The following NAV2 variants were observed in gnomAD, a reference collection of about 807,000 sequenced individuals.
NAV2 encodes helicase, APC down-regulated 1.
NAV2 carries 54 observed loss-of-function variants against 223.2 expected under a neutral mutation model. The ratio of observed to expected loss-of-function variants is 0.24; its 90% CI spans 0.19 to 0.30. NAV2 has a LOEUF of 0.30. NAV2 is among the 10% of genes least tolerant of loss of function. NAV2 has a pLI of 1.00. For missense variants in NAV2, 2,806 were observed against 3,147.5 expected (o/e 0.89, Z 2.60); for synonymous variants, 1,279 against 1,239.3 (o/e 1.03, Z -0.67).
chr11:19,983,772 A>G (rs780574868), intron 10 of NAV2, among the ~76,000 whole-genome samples: 3 of 152,090 alleles, frequency 2.0e-5, no homozygotes, highest in Non-Finnish European at 4.4e-5. Context: ...TCCGTTACTC[A>G]GGTAAAACAC....
chr11:20,093,970 T>C (rs1478231742), intron 29 of NAV2, among the ~76,000 whole-genome samples: 1 of 152,198 alleles, frequency 6.6e-6, no homozygotes, highest in Non-Finnish European at 1.5e-5. Flanking sequence ...TTAGTATTTC[T>C]AGCCAACATG....
intron 1 of NAV2, among the ~76,000 whole-genome samples, chr11:19,546,520 G>A (rs1019121903): frequency 6.6e-6 from 1 of 152,200 alleles, no homozygotes; most frequent in African/African-American, 2.4e-5. Context: ...GCCACCTGCA[G>A]GGTGGGGCGG....
intron 10 of NAV2, among the ~76,000 whole-genome samples, chr11:19,956,990 G>A (rs545712502): frequency 3.3e-5 from 5 of 152,148 alleles, no homozygotes; most frequent in Non-Finnish European, 7.3e-5. Flanking sequence ...AACAAAAGAT[G>A]CTCCTCTTAC....
intron 1 of NAV2, among the ~76,000 whole-genome samples, chr11:19,413,582 A>G (rs1260685274): frequency 1.3e-5 from 2 of 152,224 alleles, no homozygotes; most frequent in Non-Finnish European, 2.9e-5. Context: ...GAACACCACA[A>G]AGATACTCCT....
At chr11:19,584,861 T>C (rs1433973501) in intron 1 of NAV2, among the ~76,000 whole-genome samples, 1 of 152,218 alleles carries the variant, frequency 6.6e-6, no homozygotes, top group Non-Finnish European at 1.5e-5. Context: ...TTCTGTTGAT[T>C]TGGGGTGGAG....
At chr11:19,689,707 A>G (rs2049113980) in intron 1 of NAV2, among the ~76,000 whole-genome samples, 1 of 152,206 alleles carries the variant, frequency 6.6e-6, no homozygotes, top group African/African-American at 2.4e-5. Flanking sequence ...TCACAAGCAG[A>G]TGAATTCAGC....
intron 1 of NAV2, among the ~76,000 whole-genome samples, chr11:19,446,677 G>T (rs539586345): frequency 1.3e-5 from 2 of 152,086 alleles, no homozygotes; most frequent in Non-Finnish European, 2.9e-5. Flanking sequence ...CCTGCCTGCC[G>T]CCAGAGTCAT....
chr11:19,601,512 G>A (rs2046349370), intron 1 of NAV2, among the ~76,000 whole-genome samples: 1 of 152,146 alleles, frequency 6.6e-6, no homozygotes, highest in Non-Finnish European at 1.5e-5. Context: ...TAACTGAGTG[G>A]CATTTTTTCC....
intron 17 of NAV2, 135 bp downstream of exon 17, chr11:20,051,468 A>G (rs2058003893): frequency 9.0e-6 from 7 of 781,082 alleles, no homozygotes; most frequent in Non-Finnish European, 1.6e-5. Context: ...GACCTTTTGG[A>G]TGACGGCTCC....
rs1302135809 is a variant in NAV2, at chr11:19,948,963, T to A, written c.2528T>A (p.Val843Asp). The part of the protein sequence containing the change: ...SRGSSVCHVD[V>D]SDKAGDEMDL... ...GGCAGTAGTGTCTGCCATGTGGACGTCTCAGACAAGGCAGGAGATGAGATG... is the reference window on the plus strand; with the variant it reads ...GGCAGTAGTGTCTGCCATGTGGACGACTCAGACAAGGCAGGAGATGAGATG... Residue 843 changes from valine (V) to aspartate (D), a missense_variant, in exon 10 of 38, where the codon GTC becomes GAC. By Grantham distance (152) the Val-to-Asp change is radical. This residue lies in a region of NAV2 where 1,167 missense variants were observed against 1,180.5 expected (regional missense o/e 0.99). Transcript: ENST00000349880. 1 of 1,613,920 alleles carries A rather than the reference T, an allele frequency of 6.2e-7. No homozygotes were observed. The highest frequency in any genetic ancestry group is 1.7e-5 in the Admixed American group (1 of 60,006).
chr11:19,993,804 A>G (rs2051584304), intron 11 of NAV2, among the ~76,000 whole-genome samples: 1 of 152,196 alleles, frequency 6.6e-6, no homozygotes. Context: ...AGTCAGTTGT[A>G]TTTCAACAAA....
chr11:19,476,248 C>T (rs2042111536), intron 1 of NAV2, among the ~76,000 whole-genome samples: 1 of 152,220 alleles, frequency 6.6e-6, no homozygotes, highest in Non-Finnish European at 1.5e-5. Context: ...GCTGGGATTA[C>T]AGGCGTGAGC....
At chr11:19,791,508 C>T (rs2057518680) in intron 1 of NAV2, among the ~76,000 whole-genome samples, 1 of 152,218 alleles carries the variant, frequency 6.6e-6, no homozygotes, top group Admixed American at 6.5e-5. Flanking sequence ...GCATCTTAAT[C>T]TGCACATGAG....
rs551639611 is a variant in NAV2, at chr11:19,602,427, C to T, written c.76-230057C>T. ...TCCTGACCTCATGATCTTCCTGCTT[C>T]GGCCTCCCAAAGTGCTGGGATGACA... is the stretch of plus-strand genomic sequence containing the variant. On this transcript the variant is annotated intron_variant, in intron 1 of 37. Coordinates refer to the NAV2 transcript ENST00000360655. Among the ~76,000 whole-genome samples, 8 of 152,238 alleles carry T rather than the reference C, an allele frequency of 5.3e-5. No individual in the cohort carries two copies. The South Asian group carries it at 1.2e-3, about 24-fold the overall frequency.
At chr11:19,602,613 C>T (rs868138042) in intron 1 of NAV2, among the ~76,000 whole-genome samples, 2 of 152,146 alleles carry the variant, frequency 1.3e-5, no homozygotes, top group South Asian at 2.1e-4. Context: ...AAAATCAAGG[C>T]GTGGGCAGAG....
At chr11:19,704,946 G>C (rs180813457) in intron 1 of NAV2, among the ~76,000 whole-genome samples, 1 of 149,672 alleles carries the variant, frequency 6.7e-6, no homozygotes, top group African/African-American at 2.5e-5. Context: ...GGGAGGCGGA[G>C]CTTGCTGTGA....
intron 1 of NAV2, among the ~76,000 whole-genome samples, chr11:19,750,259 G>A (rs1164086635): frequency 6.6e-6 from 1 of 152,114 alleles, no homozygotes; most frequent in African/African-American, 2.4e-5. Flanking sequence ...TCACATGCAA[G>A]GTTTGGCAGA....
intron 1 of NAV2, among the ~76,000 whole-genome samples, chr11:19,729,776 T>A (rs1268130494): frequency 6.6e-6 from 1 of 152,102 alleles, no homozygotes; most frequent in Non-Finnish European, 1.5e-5. Context: ...GGGACCCATG[T>A]TCCATGATAA....
intron 1 of NAV2, among the ~76,000 whole-genome samples, chr11:19,561,950 A>G (rs564540925): frequency 6.6e-6 from 1 of 152,214 alleles, no homozygotes; most frequent in South Asian, 2.1e-4. Context: ...GGTCTCCAAC[A>G]TTTTTCTACT....
Sources: gnomAD v4.1 joint callset for allele counts (sites outside exome capture counted in the v4.1 genomes callset) on GRCh38, gnomAD v4.1.1 for gene constraint, gnomAD v4.1.1 regional missense constraint, MANE v1.5 for transcripts, NCBI Gene and HGNC (gene_info 2026-07-23, HGNC 2026-07-21) for gene names.